The following EIF3A variants were observed in gnomAD, a reference collection of about 807,000 sequenced individuals.
EIF3A encodes the protein EIF3, p180 subunit.
EIF3A carries 21 observed loss-of-function variants against 186.6 expected under a neutral mutation model. The observed-to-expected ratio is 0.11, with a 90% CI of 0.08 to 0.16. The LOEUF (loss-of-function observed/expected upper bound fraction) is 0.16, where lower values mean the gene tolerates loss of function less well. Ranked by LOEUF, EIF3A falls within the 10% of genes least tolerant of loss-of-function variation. EIF3A has a pLI of 1.00. For missense variants in EIF3A, 1,306 were observed against 1,796.3 expected, an observed-to-expected ratio of 0.73 and a Z score of 4.93; for synonymous variants, 563 against 584.3, an observed-to-expected ratio of 0.96 and a Z score of 0.52.
chr10:119,049,488 T>C (rs564070562), intron 17 of EIF3A, among the ~76,000 whole-genome samples: 3 of 49,506 alleles, frequency 6.1e-5, no homozygotes, highest in Non-Finnish European at 1.2e-4. Context: ...AGCGAGACTC[T>C]GTCTCAAAAA....
chr10:119,076,955 A>G (rs564583195), intron 1 of EIF3A, among the ~76,000 whole-genome samples: 2 of 151,564 alleles, frequency 1.3e-5, no homozygotes, highest in East Asian at 1.9e-4. Context: ...AAAAAAAAAG[A>G]AAATGTAACA....
chr10:119,054,442 C>T (rs532203472), intron 14 of EIF3A, among the ~76,000 whole-genome samples: 2 of 151,474 alleles, frequency 1.3e-5, no homozygotes, highest in South Asian at 2.1e-4. Flanking sequence ...GGGCCAGGCA[C>T]GGTGGCTCAT....
intron 14 of EIF3A, among the ~76,000 whole-genome samples, chr10:119,054,722 C>T (rs1213432593): frequency 5.6e-5 from 2 of 35,554 alleles, no homozygotes; most frequent in Non-Finnish European, 1.4e-4. Flanking sequence ...GGCGAAACTC[C>T]ATCTCAAAAA....
chr10:119,079,688 G>A (rs980609337), intron 1 of EIF3A, among the ~76,000 whole-genome samples: 2 of 152,086 alleles, frequency 1.3e-5, no homozygotes, highest in Non-Finnish European at 2.9e-5. Flanking sequence ...AGAGATCGGG[G>A]CACACAAGTT....
chr10:119,068,824 T>G (rs776451906), intron 6 of EIF3A, among the ~76,000 whole-genome samples: 7 of 151,328 alleles, frequency 4.6e-5, no homozygotes, highest in Admixed American at 6.6e-5. Context: ...AATGCAAAAA[T>G]TAGCCGGGCA....
chr10:119,074,061 T>C, intron 1 of EIF3A, 124 bp from the exon 2 acceptor site: 2 of 799,298 alleles, frequency 2.5e-6, no homozygotes, highest in Non-Finnish European at 3.7e-6. Context: ...TACATTTATT[T>C]TTGACTTCTA....
chr10:119,058,341 T>A, intron 11 of EIF3A, 38 bp from the exon 12 acceptor site: 3 of 1,403,576 alleles, frequency 2.1e-6, no homozygotes, highest in Non-Finnish European at 2.9e-6. Context: ...TGACCAAAAT[T>A]AACATTCTCT....
chr10:119,070,845 A>G (rs376557596), intron 5 of EIF3A, 41 bp downstream of exon 5: 4 of 1,393,874 alleles, frequency 2.9e-6, no homozygotes, highest in Non-Finnish European at 4.1e-6. Flanking sequence ...AGTAACACAG[A>G]CTATTATTTC....
Position 119,080,814 on chromosome 10 carries a change from A to C in EIF3A, c.-138T>G. On this transcript the variant is annotated 5_prime_UTR_variant, in exon 1 of 22. Coordinates refer to ENST00000369144, the MANE Select transcript of EIF3A (RefSeq NM_003750.4). ...CCGCGCCCAGCCGGCCAGAGACGGA[A>C]AGGAAGGAGCCACGTGACCTCCCCG... 2 of 1,413,852 alleles carry C rather than the reference A, an allele frequency of 1.4e-6. No individual in the cohort carries two copies. 87.6% of individuals were successfully genotyped at this position (1,413,852 alleles called of 1,614,324 possible).
In EIF3A at chr10:119,040,949, T is replaced by C. The variant is rs187833303; in HGVS notation, c.3526+1045A>G. On this transcript the variant is annotated intron_variant, in intron 19 of 21. Coordinates refer to ENST00000369144, the MANE Select transcript of EIF3A (RefSeq NM_003750.4). ...TGAACCTGGGAGGCAGAACTTGCAGTGAGGGGAGATCGCGCCACTGCACTC... is the reference window on the plus strand; with the variant it reads ...TGAACCTGGGAGGCAGAACTTGCAGCGAGGGGAGATCGCGCCACTGCACTC... Among the ~76,000 whole-genome samples, 6 of 136,624 alleles carry C rather than the reference T, an allele frequency of 4.4e-5. No homozygotes were observed. The East Asian group carries it at 1.1e-3, about 24-fold the overall frequency. The allele number at this position is 136,624 out of a possible 152,430, so 89.6% of individuals were successfully genotyped here. A position where few individuals can be genotyped will look rare whatever the true frequency, so the allele number is the denominator to read the frequency against.
At chr10:119,066,539 A>T (rs1172640647) in intron 6 of EIF3A, among the ~76,000 whole-genome samples, 1 of 123,952 alleles carries the variant, frequency 8.1e-6, no homozygotes, top group Non-Finnish European at 1.7e-5. Flanking sequence ...AAAAAAAAAA[A>T]CCTAAGGAAG....
chr10:119,050,733 C>T (rs2119818708), intron 15 of EIF3A, 59 bp from the exon 16 acceptor site: 8 of 1,578,952 alleles, frequency 5.1e-6, no homozygotes, highest in South Asian at 1.1e-5. Context: ...GCAACAAACT[C>T]GCAGAAAGCT....
intron 1 of EIF3A, among the ~76,000 whole-genome samples, chr10:119,074,182 C>T (rs552420513): frequency 1.8e-3 from 281 of 152,140 alleles, no homozygotes; most frequent in Non-Finnish European, 3.0e-3. Flanking sequence ...TTAAAAGTTC[C>T]AGGCCGGGCG....
chr10:119,046,002 G>T (rs995425098), intron 17 of EIF3A, among the ~76,000 whole-genome samples: 5 of 152,190 alleles, frequency 3.3e-5, no homozygotes, highest in Admixed American at 6.5e-5. Context: ...AACTTTAACA[G>T]AGCAAGAACA....
intron 17 of EIF3A, among the ~76,000 whole-genome samples, chr10:119,048,872 T>C (rs187040357): frequency 1.0e-3 from 158 of 152,182 alleles, no homozygotes; most frequent in Admixed American, 2.6e-3. Context: ...GGTATCACCA[T>C]GTTGGCCAGA....
Position 119,036,001 on chromosome 10 carries a change from C to T in EIF3A, c.*38G>A. The T allele has an allele frequency of 6.8e-7, 1 of 1,465,264 alleles. No individual in the cohort carries two copies. Among genetic ancestry groups the T allele is most frequent in the South Asian group, 1.1e-5 (1 of 87,978 alleles). The allele number at this position is 1,465,264 out of a possible 1,614,324, so 90.8% of individuals were successfully genotyped here. A position where few individuals can be genotyped will look rare whatever the true frequency, so the allele number is the denominator to read the frequency against. On this transcript the variant is annotated 3_prime_UTR_variant, in exon 22 of 22. Coordinates refer to ENST00000369144, the MANE Select transcript of EIF3A (RefSeq NM_003750.4). Reference sequence around the variant, plus strand: ...TAATAATCCTTGAATGTGATCAAACCTATTTAAGACACCAGTTTAAATCCA... The same window carrying T: ...TAATAATCCTTGAATGTGATCAAACTTATTTAAGACACCAGTTTAAATCCA...
chr10:119,037,083 G>T (rs573814026), intron 21 of EIF3A, 36 bp downstream of exon 21: 5 of 988,808 alleles, frequency 5.1e-6, no homozygotes, highest in South Asian at 2.2e-5. Flanking sequence ...AGAAACGACA[G>T]TTCTCCAATA....
chr10:119,035,062 T>C lies in EIF3A; in HGVS notation c.*977A>G, dbSNP rs1049408080. 6.6e-6 allele frequency: 1 copy of C among 152,656 alleles called. No individual in the cohort carries two copies. 9.5% of individuals were successfully genotyped at this position (152,656 alleles called of 1,614,324 possible). ...AAAACAAATTCTGTAAGTATTTTAT[T>C]TATCACTGAAGAAAAAACACAGCAG... is the stretch of plus-strand genomic sequence containing the variant. On this transcript the variant is annotated 3_prime_UTR_variant, in exon 22 of 22. Coordinates refer to ENST00000369144, the MANE Select transcript of EIF3A (RefSeq NM_003750.4).
chr10:119,045,628 T>G (rs1209020055), intron 17 of EIF3A, among the ~76,000 whole-genome samples: 2 of 152,196 alleles, frequency 1.3e-5, no homozygotes, highest in African/African-American at 4.8e-5. Context: ...CTTATAGCCA[T>G]TAAACAAACA....
Sources: allele counts gnomAD v4.1 joint callset (sites outside exome capture counted in the v4.1 genomes callset), GRCh38; gene constraint gnomAD v4.1.1; transcripts MANE v1.5; gene names NCBI Gene and HGNC (gene_info 2026-07-23, HGNC 2026-07-21).